Variants in C10orf67 observed in about 807,000 individuals in gnomAD.
The protein encoded by C10orf67 is uncharacterized protein C10orf67, mitochondrial.
C10orf67 carries 60 observed loss-of-function variants against 35.6 expected under a neutral mutation model. That is an observed-to-expected ratio of 1.68 (90% CI 1.37 to 2.09). C10orf67 has a LOEUF of 2.09. Ranked by LOEUF, C10orf67 falls within the 30% of genes most tolerant of loss-of-function variation. C10orf67 has a pLI of 0.00. For synonymous variants in C10orf67, 167 were observed against 115.8 expected, an observed-to-expected ratio of 1.44 and a Z score of -2.84; for missense variants, 474 against 330.2, an observed-to-expected ratio of 1.44 and a Z score of -3.38.
intron 7 of C10orf67, among the ~76,000 whole-genome samples, chr10:23,283,567 C>T (rs1843435610): frequency 6.6e-6 from 1 of 152,148 alleles, no homozygotes; most frequent in African/African-American, 2.4e-5. Flanking sequence ...GAAGGTAATT[C>T]AAACCTTTCT....
At chr10:23,243,933 C>T (rs1461233050) in intron 12 of C10orf67, among the ~76,000 whole-genome samples, 1 of 152,124 alleles carries the variant, frequency 6.6e-6, no homozygotes, top group Non-Finnish European at 1.5e-5. Flanking sequence ...ACTCTGTCAC[C>T]CAGGCTAGAG....
chr10:23,207,268 C>T (rs1436423257), intron 15 of C10orf67, among the ~76,000 whole-genome samples: 2 of 151,592 alleles, frequency 1.3e-5, no homozygotes, highest in African/African-American at 4.9e-5. Flanking sequence ...AATTTAATTA[C>T]TGTGAACTTC....
At chr10:23,301,273 C>T (rs986368584) in intron 5 of C10orf67, among the ~76,000 whole-genome samples, 7 of 152,118 alleles carry the variant, frequency 4.6e-5, no homozygotes, top group African/African-American at 1.2e-4. Flanking sequence ...CTCGGCTTCC[C>T]CAAGAAAATT....
At chr10:23,335,576 T>G (rs1292700053) in intron 1 of C10orf67, among the ~76,000 whole-genome samples, 1 of 152,174 alleles carries the variant, frequency 6.6e-6, no homozygotes, top group Non-Finnish European at 1.5e-5. Context: ...CTCTGATGTT[T>G]TGAAATGTCA....
At chr10:23,326,798 A>G (rs926085965) in intron 2 of C10orf67, among the ~76,000 whole-genome samples, 3 of 152,142 alleles carry the variant, frequency 2.0e-5, no homozygotes, top group African/African-American at 7.2e-5. Context: ...TTGCTGAACA[A>G]AGGGTCAAAA....
intron 13 of C10orf67, among the ~76,000 whole-genome samples, 151 bp from the exon 14 acceptor site, chr10:23,223,969 C>G (rs1291596311): frequency 6.6e-6 from 1 of 152,210 alleles, no homozygotes; most frequent in Non-Finnish European, 1.5e-5. Flanking sequence ...AAATCCTTTT[C>G]TTCATTCCAA....
intron 7 of C10orf67, among the ~76,000 whole-genome samples, chr10:23,285,480 C>G (rs899125443): frequency 6.6e-6 from 1 of 150,854 alleles, no homozygotes; most frequent in Non-Finnish European, 1.5e-5. Flanking sequence ...AAAAAGGCAA[C>G]AGAAATAGGT....
chr10:23,255,189 C>T (rs1044656037), intron 10 of C10orf67, among the ~76,000 whole-genome samples: 2 of 152,044 alleles, frequency 1.3e-5, no homozygotes, highest in Non-Finnish European at 2.9e-5. Context: ...ATTGGGAACA[C>T]GGAGAATAAA....
At chr10:23,236,253 GAAAAAAAA>G (rs368833212) in intron 13 of C10orf67, among the ~76,000 whole-genome samples, 66 of 75,802 alleles carry the variant, frequency 8.7e-4, no homozygotes, top group African/African-American at 2.2e-3. Flanking sequence ...CCTCTCGGGG[GAAAAAAAA>G]AAAAAAAAAA....
intron 12 of C10orf67, among the ~76,000 whole-genome samples, chr10:23,242,826 A>C (rs926145107): frequency 7.2e-5 from 11 of 151,832 alleles, no homozygotes; most frequent in Non-Finnish European, 1.3e-4. Flanking sequence ...AAAGGAGAGA[A>C]GAAGAAATAT....
rs192890993 is a variant in C10orf67, at chr10:23,225,164, G to A, written c.1435-1346C>T. On this transcript the variant is annotated intron_variant, in intron 13 of 15. Transcript: ENST00000636213. ...AAGGGAAGCCCATCAGACTAACAGC[G>A]GATCTCTCGGCAGAAACTCTACAAG... 9.6e-4 allele frequency among the ~76,000 whole-genome samples: 146 copies of A among 152,230 alleles called. 1 individual carries two copies. The highest frequency in any genetic ancestry group is 3.2e-3 in the African/African-American group (131 of 41,534).
At chr10:23,340,125 A>C (rs994464948) in intron 1 of C10orf67, among the ~76,000 whole-genome samples, 1 of 151,536 alleles carries the variant, frequency 6.6e-6, no homozygotes, top group Non-Finnish European at 1.5e-5. Flanking sequence ...GTTTTTACCA[A>C]TTTTTTTTCA....
chr10:23,274,419 G>T (rs751876821), intron 8 of C10orf67, among the ~76,000 whole-genome samples: 1 of 152,024 alleles, frequency 6.6e-6, no homozygotes, highest in Non-Finnish European at 1.5e-5. Flanking sequence ...CTCCCAGAGC[G>T]GCCGTCTATA....
At chr10:23,225,755 G>GT (rs770124508) in intron 13 of C10orf67, among the ~76,000 whole-genome samples, 1 of 152,026 alleles carries the variant, frequency 6.6e-6, no homozygotes, top group Non-Finnish European at 1.5e-5. Flanking sequence ...AACCAACAAA[G>GT]TTCAAAAAAG....
In C10orf67 at chr10:23,250,688, C is replaced by T. The variant is rs776018530; in HGVS notation, c.1204G>A (p.Glu402Lys). ...KALKEDQAVVEDKHGLESQIE... is the reference protein window; with the variant it reads ...KALKEDQAVVKDKHGLESQIE... ...TGAGACTCCAAACCATGTTTGTCTT[C>T]AACCTTTCAATAGAAAATATAACAC... The change falls in exon 11 of 16, where the codon GAA becomes AAA. Residue 402 changes from glutamate to lysine, a missense_variant. By Grantham distance (56) the Glu-to-Lys change is moderately conservative. Coordinates refer to ENST00000636213, the MANE Select transcript of C10orf67 (RefSeq NM_001371909.1). 4.2e-4 allele frequency: 166 copies of T among 398,462 alleles called. 1 individual carries two copies. Among genetic ancestry groups the T allele is most frequent in the Non-Finnish European group, 5.6e-4 (127 of 225,864 alleles). 24.7% of individuals were successfully genotyped at this position (398,462 alleles called of 1,614,324 possible).
intron 2 of C10orf67, among the ~76,000 whole-genome samples, chr10:23,322,960 C>T (rs568760535): frequency 6.6e-6 from 1 of 152,182 alleles, no homozygotes; most frequent in East Asian, 1.9e-4. Context: ...AGCTGGGTTC[C>T]TGGTCAGAGG....
chr10:23,264,817 C>CA (rs1178691442), intron 10 of C10orf67, among the ~76,000 whole-genome samples: 5 of 152,158 alleles, frequency 3.3e-5, no homozygotes, highest in Non-Finnish European at 7.3e-5. Flanking sequence ...GTAGTCCTCC[C>CA]AGCCATCATC....
At chr10:23,238,384 A>C (rs1842099140) in intron 13 of C10orf67, among the ~76,000 whole-genome samples, 1 of 152,234 alleles carries the variant, frequency 6.6e-6, no homozygotes, top group South Asian at 2.1e-4. Flanking sequence ...GTGGACGTAT[A>C]GATGAAGATT....
At chr10:23,237,158 G>T (rs1842070895) in intron 13 of C10orf67, among the ~76,000 whole-genome samples, 1 of 152,106 alleles carries the variant, frequency 6.6e-6, no homozygotes, top group Admixed American at 6.6e-5. Flanking sequence ...TTCTGTGTTA[G>T]GTCACTTAGG....
Sources: gnomAD v4.1 joint callset for allele counts (sites outside exome capture counted in the v4.1 genomes callset) on GRCh38, gnomAD v4.1.1 for gene constraint, MANE v1.5 for transcripts, NCBI Gene and HGNC (gene_info 2026-07-23, HGNC 2026-07-21) for gene names.